Variants in CHL1 observed in about 807,000 individuals in gnomAD.
CHL1 encodes cell adhesion molecule L1 like.
Under a neutral mutation model 141.9 loss-of-function variants are expected in CHL1, and 96 were observed. The ratio of observed to expected loss-of-function variants is 0.68; its 90% CI spans 0.57 to 0.80. The LOEUF is 0.80. Ranked by LOEUF, CHL1 falls within the 30% of genes least tolerant of loss-of-function variation. CHL1 has a pLI of 0.00. For missense variants in CHL1, 1,820 were observed against 1,457.2 expected (o/e 1.25, Z -4.05); for synonymous variants, 613 against 502.2 (o/e 1.22, Z -2.95).
At chr3:275,901 C>T (rs1313910146) in intron 2 of CHL1, among the ~76,000 whole-genome samples, 2 of 151,814 alleles carry the variant, frequency 1.3e-5, no homozygotes, top group South Asian at 4.1e-4. Context: ...TATATATATA[C>T]TATGTGCCAA....
chr3:280,455 G>A (rs1297357770), intron 2 of CHL1, among the ~76,000 whole-genome samples: 1 of 152,164 alleles, frequency 6.6e-6, no homozygotes, highest in African/African-American at 2.4e-5. Flanking sequence ...AAGAATTAAA[G>A]TGCTGAATAA....
chr3:236,078 G>C (rs183574883), intron 1 of CHL1, among the ~76,000 whole-genome samples: 27 of 152,286 alleles, frequency 1.8e-4, no homozygotes, highest in African/African-American at 6.5e-4. Context: ...GAAGACCAGC[G>C]TCTGAATGAT....
chr3:295,160 C>T (rs1698076346), intron 2 of CHL1, among the ~76,000 whole-genome samples: 1 of 152,118 alleles, frequency 6.6e-6, no homozygotes, highest in African/African-American at 2.4e-5. Flanking sequence ...CTCCCAATCC[C>T]CCTCCCAAAA....
chr3:327,893 A>G (rs1489018299), intron 4 of CHL1, among the ~76,000 whole-genome samples: 1 of 151,906 alleles, frequency 6.6e-6, no homozygotes, highest in Non-Finnish European at 1.5e-5. Flanking sequence ...ATAATCTTGT[A>G]TTACCTTTCT....
chr3:404,388 T>A (rs1470288966), intron 27 of CHL1, among the ~76,000 whole-genome samples: 2 of 152,192 alleles, frequency 1.3e-5, no homozygotes, highest in Non-Finnish European at 2.9e-5. Flanking sequence ...TTTTTCCAAA[T>A]GCTTCATTGA....
intron 2 of CHL1, among the ~76,000 whole-genome samples, chr3:303,775 G>A (rs1169134994): frequency 6.6e-6 from 1 of 152,174 alleles, no homozygotes; most frequent in African/African-American, 2.4e-5. Context: ...AATAGGAGTG[G>A]TGAGAGAGGG....
intron 27 of CHL1, among the ~76,000 whole-genome samples, chr3:401,924 A>T (rs1171613733): frequency 6.6e-6 from 1 of 152,220 alleles, no homozygotes; most frequent in Admixed American, 6.5e-5. Context: ...AATGTCAGGT[A>T]GGACACTTTT....
intron 2 of CHL1, among the ~76,000 whole-genome samples, chr3:290,391 G>T (rs765653029): frequency 6.6e-6 from 1 of 152,054 alleles, no homozygotes; most frequent in East Asian, 1.9e-4. Flanking sequence ...GCAAATAGCT[G>T]TATTTGCAAA....
At chr3:318,558 A>T (rs896316811) in intron 2 of CHL1, among the ~76,000 whole-genome samples, 4 of 151,696 alleles carry the variant, frequency 2.6e-5, no homozygotes, top group Non-Finnish European at 5.9e-5. Flanking sequence ...ATTGTAAGAG[A>T]AAGTAAAAAA....
intron 1 of CHL1, among the ~76,000 whole-genome samples, chr3:232,510 G>GT (rs768532676): frequency 2.6e-5 from 4 of 152,006 alleles, no homozygotes; most frequent in African/African-American, 4.8e-5. Flanking sequence ...ACAGTTTTAG[G>GT]TTTTTTAAAG....
At chr3:208,792 T>C (rs1156638021) in intron 1 of CHL1, among the ~76,000 whole-genome samples, 1 of 152,172 alleles carries the variant, frequency 6.6e-6, no homozygotes, top group African/African-American at 2.4e-5. Flanking sequence ...TATTAAAAAA[T>C]AAAACTGGAG....
In CHL1 at chr3:377,863, A is replaced by T. The variant is rs149981944; in HGVS notation, c.1797A>T (p.Leu599Phe). 465 of 1,611,394 alleles carry T rather than the reference A, an allele frequency of 2.9e-4. 3 individuals are homozygous for T. In the African/African-American group the frequency reaches 5.6e-3, roughly 19 times the overall value. Residue 599 changes from leucine to phenylalanine, a missense_variant, in exon 16 of 28, where the codon TTA becomes TTT. Physicochemically the swap from Leu to Phe is conservative, Grantham distance 22 (BLOSUM62 0). Coordinates refer to ENST00000256509, the MANE Select transcript of CHL1 (RefSeq NM_006614.4). ...ATTTGACCATATCTAATGTAACTTT[A>T]GAGGACCAAGGTATTTACTGCTGTT... The part of the protein sequence containing the change: ...GANLTISNVT[L>F]EDQGIYCCSA...
intron 2 of CHL1, chr3:282,741 A>G (rs1255945628): frequency 6.6e-6 from 1 of 152,198 alleles, no homozygotes; most frequent in Admixed American, 6.5e-5. Context: ...CAAGGACCAT[A>G]GTAACCTTCC....
intron 20 of CHL1, among the ~76,000 whole-genome samples, chr3:389,993 AC>A (rs1404439880): frequency 6.6e-6 from 1 of 152,192 alleles, no homozygotes; most frequent in East Asian, 1.9e-4. Context: ...GAAGAAAAAA[AC>A]ACTGCATTCT....
Position 405,496 on chromosome 3 carries a change from G to T in CHL1, c.3460G>T (p.Asp1154Tyr). ...TATTTTTGTTTGTTTGTTTTCTAGT[G>T]ACAGTGATGAAAAGCCTCTCAAAGG... The part of the protein sequence containing the change: ...VKDETFGEYS[D>Y]SDEKPLKGSL... Residue 1154 changes from aspartate (D) to tyrosine (Y), a missense_variant and splice_region_variant, in exon 28 of 28, where the codon GAC (aspartate) becomes TAC (tyrosine). By Grantham distance (160) the Asp-to-Tyr change is radical. Transcript: ENST00000256509. 6.2e-7 allele frequency: 1 copy of T among 1,605,696 alleles called. No homozygotes were observed. The highest frequency in any genetic ancestry group is 1.1e-5 in the South Asian group (1 of 90,570).
intron 11 of CHL1, among the ~76,000 whole-genome samples, chr3:355,349 C>T (rs755446350): frequency 6.6e-6 from 1 of 152,128 alleles, no homozygotes; most frequent in South Asian, 2.1e-4. Flanking sequence ...TCCCCATGCC[C>T]GGTCCACCCT....
intron 10 of CHL1, among the ~76,000 whole-genome samples, chr3:352,177 T>C (rs1703324703): frequency 6.6e-6 from 1 of 152,174 alleles, no homozygotes; most frequent in East Asian, 1.9e-4. Context: ...GTCATTAATA[T>C]ACTTGAGAAA....
intron 5 of CHL1, among the ~76,000 whole-genome samples, chr3:337,191 G>T (rs10705851): frequency 0.21 from 5,649 of 27,200 alleles, 646 homozygotes; most frequent in Middle Eastern, 0.46. Flanking sequence ...TTTTGTTTTT[G>T]TTTTTTTTTT....
chr3:204,703 A>G (rs925818370), intron 1 of CHL1, among the ~76,000 whole-genome samples: 3 of 152,236 alleles, frequency 2.0e-5, no homozygotes, highest in African/African-American at 7.2e-5. Flanking sequence ...CTCATGTGCA[A>G]AAGGTTCAGG....
Sources: allele counts gnomAD v4.1 joint callset (sites outside exome capture counted in the v4.1 genomes callset), GRCh38; gene constraint gnomAD v4.1.1; transcripts MANE v1.5; gene names NCBI Gene and HGNC (gene_info 2026-07-23, HGNC 2026-07-21).